The following KIAA1328 variants were observed in gnomAD, a reference collection of about 807,000 sequenced individuals.
KIAA1328 encodes the protein protein hinderin.
A neutral mutation model predicts 68.1 loss-of-function variants in KIAA1328; 52 were observed. The ratio of observed to expected loss-of-function variants is 0.76; its 90% CI spans 0.61 to 0.96. The LOEUF is 0.96. KIAA1328 is among the 40% of genes least tolerant of loss of function. The probability of loss-of-function intolerance (pLI) is 0.00; values close to 1 mark genes in which losing one functional copy is unlikely to be tolerated. For missense variants in KIAA1328, 641 were observed against 677.6 expected (o/e 0.95, Z 0.60); for synonymous variants, 232 against 239.4 (o/e 0.97, Z 0.28).
intron 6 of KIAA1328, among the ~76,000 whole-genome samples, chr18:36,965,401 C>A (rs1352440184): frequency 6.6e-6 from 1 of 151,446 alleles, no homozygotes; most frequent in African/African-American, 2.4e-5. Context: ...GTTGTTATCA[C>A]TATTGCCTCT....
intron 6 of KIAA1328, among the ~76,000 whole-genome samples, chr18:36,962,338 A>G (rs1456309901): frequency 6.6e-6 from 1 of 152,240 alleles, no homozygotes; most frequent in Non-Finnish European, 1.5e-5. Context: ...TTAAAGACCT[A>G]CAAAGGGACT....
chr18:37,030,430 T>G (rs1237716414), intron 6 of KIAA1328, among the ~76,000 whole-genome samples: 2 of 152,156 alleles, frequency 1.3e-5, no homozygotes, highest in Non-Finnish European at 2.9e-5. Flanking sequence ...AGTCATAAGA[T>G]TCTTAATTTC....
At chr18:37,024,255 A>G (rs1459246022) in intron 6 of KIAA1328, among the ~76,000 whole-genome samples, 2 of 150,812 alleles carry the variant, frequency 1.3e-5, no homozygotes, top group East Asian at 3.9e-4. Flanking sequence ...CCTACCTCGG[A>G]CTCCCAAAAT....
At chr18:36,985,399 C>T (rs1205714888) in intron 6 of KIAA1328, among the ~76,000 whole-genome samples, 1 of 152,056 alleles carries the variant, frequency 6.6e-6, no homozygotes, top group Non-Finnish European at 1.5e-5. Flanking sequence ...AATGTAAAGA[C>T]CCTAGAAAAC....
At chr18:36,915,617 T>A (rs531071044) in intron 5 of KIAA1328, among the ~76,000 whole-genome samples, 163 of 152,160 alleles carry the variant, frequency 1.1e-3, no homozygotes, top group Non-Finnish European at 1.9e-3. Flanking sequence ...AAAACTACAA[T>A]GAGATAGTAT....
intron 8 of KIAA1328, among the ~76,000 whole-genome samples, chr18:37,169,170 A>ATT (rs1192375237): frequency 1.8e-4 from 24 of 131,184 alleles, no homozygotes; most frequent in African/African-American, 2.3e-4. Context: ...ATTTATTTAT[A>ATT]TTTTTTTTTT....
intron 7 of KIAA1328, among the ~76,000 whole-genome samples, chr18:37,121,250 C>A (rs1027014540): frequency 6.6e-6 from 1 of 151,998 alleles, no homozygotes; most frequent in Non-Finnish European, 1.5e-5. Flanking sequence ...TTGAAAAACA[C>A]GAAAACGGCA....
At chr18:36,834,794 C>T (rs1205124112) in intron 2 of KIAA1328, among the ~76,000 whole-genome samples, 2 of 152,046 alleles carry the variant, frequency 1.3e-5, no homozygotes, top group South Asian at 2.1e-4. Context: ...TCATTGATTT[C>T]CCCTAAGTTA....
At chr18:37,085,236 A>C (rs748474391) in intron 7 of KIAA1328, among the ~76,000 whole-genome samples, 1 of 152,068 alleles carries the variant, frequency 6.6e-6, no homozygotes, top group African/African-American at 2.4e-5. Flanking sequence ...GGGCTGCCCA[A>C]CGCTAGCTTT....
intron 5 of KIAA1328, among the ~76,000 whole-genome samples, chr18:36,890,723 C>G (rs1400201824): frequency 6.6e-6 from 1 of 152,106 alleles, no homozygotes; most frequent in Non-Finnish European, 1.5e-5. Flanking sequence ...AGGAACATTT[C>G]AAAGACTCCT....
At chr18:37,031,346 A>AT (rs2054820264) in intron 6 of KIAA1328, among the ~76,000 whole-genome samples, 1 of 151,888 alleles carries the variant, frequency 6.6e-6, no homozygotes, top group South Asian at 2.1e-4. Context: ...GAATTTAGCT[A>AT]TTAGATTCAT....
intron 7 of KIAA1328, among the ~76,000 whole-genome samples, chr18:37,106,644 C>G (rs1568413925): frequency 6.6e-6 from 1 of 152,050 alleles, no homozygotes; most frequent in Non-Finnish European, 1.5e-5. Flanking sequence ...GTCTCGAACT[C>G]CTGACCTCAA....
intron 9 of KIAA1328, among the ~76,000 whole-genome samples, chr18:37,186,602 G>T (rs2059807036): frequency 6.8e-6 from 1 of 146,624 alleles, no homozygotes; most frequent in African/African-American, 2.5e-5. Flanking sequence ...GAAGGGAAAT[G>T]CATGAACATT....
intron 6 of KIAA1328, among the ~76,000 whole-genome samples, chr18:37,050,960 T>G (rs1160989197): frequency 1.3e-5 from 2 of 152,162 alleles, no homozygotes; most frequent in Admixed American, 6.5e-5. Flanking sequence ...ATAGAGATAA[T>G]CAAACCCAAC....
intron 5 of KIAA1328, among the ~76,000 whole-genome samples, chr18:36,886,919 CAG>C (rs1449562421): frequency 2.0e-5 from 3 of 152,084 alleles, no homozygotes; most frequent in Non-Finnish European, 4.4e-5. Flanking sequence ...GCTATAAAAA[CAG>C]AGTCCTGAAC....
intron 6 of KIAA1328, 124 bp from the exon 7 acceptor site, chr18:37,066,766 A>T (rs2056351639): frequency 2.2e-6 from 2 of 904,966 alleles, no homozygotes; most frequent in Non-Finnish European, 1.6e-6. Flanking sequence ...GCTATAATTT[A>T]ATATTTAAGA....
chr18:37,158,393 G>C (rs923141436), intron 7 of KIAA1328, among the ~76,000 whole-genome samples: 1 of 152,080 alleles, frequency 6.6e-6, no homozygotes, highest in Admixed American at 6.6e-5. Flanking sequence ...AAGTGCTCTT[G>C]TCCCCACACG....
At chr18:37,039,745 C>T (rs571117955) in intron 6 of KIAA1328, among the ~76,000 whole-genome samples, 1 of 152,278 alleles carries the variant, frequency 6.6e-6, no homozygotes, top group Non-Finnish European at 1.5e-5. Context: ...TTATAACAAA[C>T]TTAGCAGCTT....
intron 4 of KIAA1328, among the ~76,000 whole-genome samples, chr18:36,844,679 A>G (rs180870469): frequency 6.3e-4 from 96 of 151,982 alleles, no homozygotes; most frequent in African/African-American, 2.2e-3. Flanking sequence ...TATTTCACTC[A>G]CAAGAATATC....
Sources: allele counts gnomAD v4.1 joint callset (sites outside exome capture counted in the v4.1 genomes callset), GRCh38; gene constraint gnomAD v4.1.1; transcripts MANE v1.5; gene names NCBI Gene and HGNC (gene_info 2026-07-23, HGNC 2026-07-21).